The following HS6ST3 variants were observed in gnomAD, a reference collection of about 807,000 sequenced individuals.
HS6ST3 encodes the protein heparan-sulfate 6-O-sulfotransferase 3.
HS6ST3 carries 12 observed loss-of-function variants against 36.7 expected under a neutral mutation model. That is an observed-to-expected ratio of 0.33 (90% CI 0.21 to 0.53). The LOEUF (loss-of-function observed/expected upper bound fraction) is 0.53. HS6ST3 is among the 20% of genes least tolerant of loss of function. HS6ST3 has a pLI of 0.95. For missense variants in HS6ST3, 584 were observed against 640.9 expected (o/e 0.91, Z 0.96); for synonymous variants, 240 against 257.5 (o/e 0.93, Z 0.65).
intron 1 of HS6ST3, among the ~76,000 whole-genome samples, chr13:96,779,498 T>G (rs1877473583): frequency 6.6e-6 from 1 of 151,980 alleles, no homozygotes; most frequent in African/African-American, 2.4e-5. Context: ...AAAATACATT[T>G]GAGTTTGGAG....
At chr13:96,669,167 T>C (rs2056675048) in intron 1 of HS6ST3, among the ~76,000 whole-genome samples, 1 of 152,148 alleles carries the variant, frequency 6.6e-6, no homozygotes, top group Non-Finnish European at 1.5e-5. Flanking sequence ...GGCACACATA[T>C]TTGTGAGAAT....
At chr13:96,199,941 C>A (rs569197665) in intron 1 of HS6ST3, among the ~76,000 whole-genome samples, 12 of 152,124 alleles carry the variant, frequency 7.9e-5, no homozygotes, top group Middle Eastern at 6.8e-3. Context: ...CCTTGGTAGC[C>A]GACTTCTAGA....
intron 1 of HS6ST3, among the ~76,000 whole-genome samples, chr13:96,370,456 C>T (rs2139440641): frequency 6.6e-6 from 1 of 152,186 alleles, no homozygotes; most frequent in East Asian, 1.9e-4. Context: ...AGTTATGAAG[C>T]ATAACAATAT....
intron 1 of HS6ST3, among the ~76,000 whole-genome samples, chr13:96,253,157 C>G (rs556644649): frequency 1.3e-5 from 2 of 151,934 alleles, no homozygotes; most frequent in Non-Finnish European, 2.9e-5. Flanking sequence ...GGGTGGGCCT[C>G]TTGGTGGAGT....
chr13:96,780,351 T>A (rs1021859683), intron 1 of HS6ST3, among the ~76,000 whole-genome samples: 1 of 152,150 alleles, frequency 6.6e-6, no homozygotes, highest in Non-Finnish European at 1.5e-5. Context: ...AGCCCAAGTC[T>A]TATAAAAAGA....
At chr13:96,185,613 C>A (rs1281148809) in intron 1 of HS6ST3, among the ~76,000 whole-genome samples, 2 of 152,160 alleles carry the variant, frequency 1.3e-5, no homozygotes, top group African/African-American at 4.8e-5. Flanking sequence ...CGAGTTTATA[C>A]CTATATAAGT....
chr13:96,431,466 G>T (rs7993600), intron 1 of HS6ST3, among the ~76,000 whole-genome samples: 44,055 of 151,930 alleles, frequency 0.29, 6,612 homozygotes, highest in South Asian at 0.43. Flanking sequence ...CCCAAGGCCC[G>T]TTACTAAACC....
intron 1 of HS6ST3, among the ~76,000 whole-genome samples, chr13:96,170,932 C>T (rs965124596): frequency 6.6e-5 from 10 of 152,184 alleles, no homozygotes; most frequent in Admixed American, 1.3e-4. Context: ...CGCGCACGTG[C>T]GCACACACAC....
chr13:96,379,691 C>T (rs1277663600), intron 1 of HS6ST3, among the ~76,000 whole-genome samples: 1 of 152,184 alleles, frequency 6.6e-6, no homozygotes, highest in African/African-American at 2.4e-5. Flanking sequence ...TTCTTAGCCA[C>T]ATTCTGAATC....
chr13:96,776,992 C>T (rs768178343), intron 1 of HS6ST3, among the ~76,000 whole-genome samples: 15 of 152,186 alleles, frequency 9.9e-5, no homozygotes, highest in Non-Finnish European at 1.5e-4. Flanking sequence ...GCTTATCCAC[C>T]ACGATTAAGT....
chr13:96,729,084 A>T lies in HS6ST3; in HGVS notation c.708-103406A>T, dbSNP rs78976808. On this transcript the variant is annotated intron_variant, in intron 1 of 1. Coordinates refer to ENST00000376705, the MANE Select transcript of HS6ST3 (RefSeq NM_153456.4). ...TTGTCTAATCCAGGAACAAACTTAG[A>T]TAACAAATATAGTATTTTTGACAGA... Among the ~76,000 whole-genome samples the T allele has an allele frequency of 7.5e-3, 1,141 of 152,328 alleles. 13 individuals carry two copies. The highest frequency in any genetic ancestry group is 0.011 in the Non-Finnish European group (764 of 68,036).
chr13:96,689,814 G>T (rs1363591685), intron 1 of HS6ST3, among the ~76,000 whole-genome samples: 1 of 18,828 alleles, frequency 5.3e-5, no homozygotes, highest in Non-Finnish European at 1.3e-4. Context: ...AACTTCGGAG[G>T]ATGTGGGCTG....
At chr13:96,584,100 A>C (rs945294063) in intron 1 of HS6ST3, among the ~76,000 whole-genome samples, 1 of 152,054 alleles carries the variant, frequency 6.6e-6, no homozygotes, top group Non-Finnish European at 1.5e-5. Context: ...ATCTGCATTC[A>C]TTCTATTTGA....
chr13:96,313,636 G>A (rs1409099568), intron 1 of HS6ST3, among the ~76,000 whole-genome samples: 2 of 152,040 alleles, frequency 1.3e-5, no homozygotes, highest in Non-Finnish European at 2.9e-5. Flanking sequence ...CAAATGTAAT[G>A]TCCCCCATGA....
chr13:96,432,853 G>A (rs1013418627), intron 1 of HS6ST3, among the ~76,000 whole-genome samples: 1 of 152,128 alleles, frequency 6.6e-6, no homozygotes, highest in Admixed American at 6.6e-5. Flanking sequence ...TAAATGAGCT[G>A]CATGAAATTA....
chr13:96,118,961 C>T (rs1285910595), intron 1 of HS6ST3, among the ~76,000 whole-genome samples: 5 of 150,980 alleles, frequency 3.3e-5, no homozygotes, highest in South Asian at 4.2e-4. Context: ...CCACCCGCCT[C>T]GGCCTCCCAA....
At chr13:96,660,030 G>T (rs781202761) in intron 1 of HS6ST3, among the ~76,000 whole-genome samples, 1 of 152,050 alleles carries the variant, frequency 6.6e-6, no homozygotes, top group Non-Finnish European at 1.5e-5. Flanking sequence ...TTTAAGGCTT[G>T]CAAACTCAAT....
intron 1 of HS6ST3, among the ~76,000 whole-genome samples, chr13:96,716,769 C>A (rs1326167030): frequency 1.3e-5 from 2 of 152,110 alleles, no homozygotes; most frequent in African/African-American, 4.8e-5. Flanking sequence ...TTCCATAAAG[C>A]ACACAAAGTG....
rs1173533856 is a variant in HS6ST3, at chr13:96,394,314, A to G, written c.707+302745A>G. The stretch of plus-strand genomic sequence containing the variant: ...TTCCCCCATTTTTGTATCTTTTAGA[A>G]TGGAATGGCCACAGCTGGTAATCAA... On this transcript the variant is annotated intron_variant, in intron 1 of 1. Coordinates refer to ENST00000376705, the MANE Select transcript of HS6ST3 (RefSeq NM_153456.4). 2.7e-5 allele frequency among the ~76,000 whole-genome samples: 4 copies of G among 150,092 alleles called. No individual in the cohort carries two copies. In the East Asian group the frequency reaches 7.8e-4, roughly 29 times the overall value.
Sources: allele counts gnomAD v4.1 joint callset (sites outside exome capture counted in the v4.1 genomes callset), GRCh38; gene constraint gnomAD v4.1.1; transcripts MANE v1.5; gene names NCBI Gene and HGNC (gene_info 2026-07-23, HGNC 2026-07-21).